PIWIL2: variants seen among roughly 807,000 people sequenced by gnomAD.
PIWIL2 encodes piwi like RNA-mediated gene silencing 2.
In PIWIL2, 81 loss-of-function variants were observed where a neutral mutation model predicts 116.5. The observed-to-expected ratio is 0.70, with a 90% CI of 0.58 to 0.84. The LOEUF is 0.84. Among genes scored for constraint, PIWIL2 ranks in the 40% least tolerant of loss-of-function variants. The pLI, the probability that PIWIL2 is intolerant of heterozygous loss-of-function variation, is 0.00. For missense variants in PIWIL2, 1,272 were observed against 1,212.3 expected (o/e 1.05, Z -0.73); for synonymous variants, 489 against 429.5 (o/e 1.14, Z -1.71).
chr8:22,286,123 G>A (rs1228947781), intron 6 of PIWIL2, among the ~76,000 whole-genome samples: 8 of 152,232 alleles, frequency 5.3e-5, no homozygotes, highest in African/African-American at 1.4e-4. Context: ...TCTTTTGAAT[G>A]AAGGTAATGA....
intron 20 of PIWIL2, among the ~76,000 whole-genome samples, chr8:22,340,107 C>T (rs1047622262): frequency 8.0e-6 from 1 of 124,280 alleles, no homozygotes; most frequent in Admixed American, 1.1e-4. Context: ...GGCTGAAGTG[C>T]AATGGTGCAA....
chr8:22,287,225 C>T (rs551663841), intron 6 of PIWIL2, among the ~76,000 whole-genome samples: 6 of 152,218 alleles, frequency 3.9e-5, no homozygotes, highest in South Asian at 4.1e-4. Context: ...CCAGCCTGGG[C>T]GGCAGAGCGA....
chr8:22,308,998 G>T lies in PIWIL2; in HGVS notation c.1686+925G>T, dbSNP rs1417460819. Among the ~76,000 whole-genome samples, 4 of 151,794 alleles carry T rather than the reference G, an allele frequency of 2.6e-5. No homozygotes were observed. The South Asian group carries it at 8.3e-4, about 32-fold the overall frequency. ...TTTTTTAAGATGGGGTTTCATTCTT[G>T]TTGGCCAGGCTGGAGTGTAATGGCG... On this transcript the variant is annotated intron_variant, in intron 14 of 22. Transcript: ENST00000356766.
At chr8:22,300,781 C>G (rs899409934) in intron 10 of PIWIL2, among the ~76,000 whole-genome samples, 1 of 152,136 alleles carries the variant, frequency 6.6e-6, no homozygotes, top group Non-Finnish European at 1.5e-5. Context: ...GTGTGTACTT[C>G]CCATTCATTT....
intron 16 of PIWIL2, among the ~76,000 whole-genome samples, chr8:22,312,095 C>T (rs1001676903): frequency 1.3e-5 from 2 of 151,818 alleles, no homozygotes; most frequent in African/African-American, 2.4e-5. Flanking sequence ...AAAACCCTGT[C>T]TCTACAAAAA....
At chr8:22,315,991 A>G (rs556023124) in intron 18 of PIWIL2, among the ~76,000 whole-genome samples, 10 of 152,220 alleles carry the variant, frequency 6.6e-5, no homozygotes, top group African/African-American at 9.7e-5. Flanking sequence ...TGTGTTTTCT[A>G]CAGAAATCAT....
chr8:22,347,137 T>C (rs1586598944), intron 20 of PIWIL2, among the ~76,000 whole-genome samples: 1 of 137,074 alleles, frequency 7.3e-6, no homozygotes, highest in Admixed American at 7.8e-5. Flanking sequence ...ACCATTTTAC[T>C]CCAGCCTGGG....
At chr8:22,351,383 T>C (rs1201330883) in intron 20 of PIWIL2, among the ~76,000 whole-genome samples, 3 of 138,084 alleles carry the variant, frequency 2.2e-5, no homozygotes, top group Non-Finnish European at 3.1e-5. Flanking sequence ...TTTTTTAAAG[T>C]ATTCTTGGAA....
intron 2 of PIWIL2, among the ~76,000 whole-genome samples, chr8:22,280,245 A>T (rs1830469869): frequency 6.6e-6 from 1 of 152,124 alleles, no homozygotes; most frequent in Non-Finnish European, 1.5e-5. Flanking sequence ...TGGCTCTATG[A>T]TATTAGCAGC....
At chr8:22,345,557 G>C (rs947598960) in intron 20 of PIWIL2, among the ~76,000 whole-genome samples, 3 of 152,054 alleles carry the variant, frequency 2.0e-5, no homozygotes, top group Non-Finnish European at 2.9e-5. Context: ...CCAGCTACTA[G>C]GGAGGCTGAG....
In PIWIL2 at chr8:22,294,437, C is replaced by T. The variant is rs977645477; in HGVS notation, c.1181+4091C>T. ...CGGGCAGATCATGAAGTCAGGCGAT[C>T]GAGACCATCCTGGCCAACACGGTGA... is the stretch of plus-strand genomic sequence containing the variant. On this transcript the variant is annotated intron_variant, in intron 10 of 22. Transcript: ENST00000356766. 2.0e-5 allele frequency among the ~76,000 whole-genome samples: 3 copies of T among 149,240 alleles called. No individual in the cohort carries two copies. In the Admixed American group the frequency reaches 2.0e-4, roughly 10 times the overall value.
intron 10 of PIWIL2, among the ~76,000 whole-genome samples, chr8:22,292,345 C>T (rs961143486): frequency 2.6e-5 from 4 of 152,152 alleles, no homozygotes; most frequent in Admixed American, 6.5e-5. Context: ...GAAGTGGGAA[C>T]ACCAGTCAAG....
At chr8:22,314,566 C>A in intron 17 of PIWIL2, 137 bp downstream of exon 17, 1 of 457,504 alleles carries the variant, frequency 2.2e-6, no homozygotes, top group South Asian at 5.9e-5. Context: ...GTGAAAGGTT[C>A]TCCTGATTAG....
intron 20 of PIWIL2, among the ~76,000 whole-genome samples, chr8:22,319,026 A>G (rs1586575070): frequency 1.3e-5 from 2 of 152,298 alleles, no homozygotes; most frequent in South Asian, 2.1e-4. Context: ...ACCATGGAGG[A>G]TTGCTATAAT....
intron 6 of PIWIL2, among the ~76,000 whole-genome samples, chr8:22,285,733 C>G (rs1474718723): frequency 1.3e-5 from 2 of 152,052 alleles, no homozygotes; most frequent in Non-Finnish European, 2.9e-5. Context: ...CCTCTGCCTC[C>G]AAGGTTCAAG....
At chr8:22,332,259 A>G (rs1457086711) in intron 20 of PIWIL2, among the ~76,000 whole-genome samples, 2 of 152,130 alleles carry the variant, frequency 1.3e-5, no homozygotes, top group Non-Finnish European at 2.9e-5. Flanking sequence ...TAGTGAGCTG[A>G]GATTGTGCCA....
At position 22,284,279 on chromosome 8, in the gene PIWIL2, A is replaced by T. The variant is rs368658534; in HGVS notation, c.743+7A>T. 1.6e-5 allele frequency: 22 copies of T among 1,417,340 alleles called. No individual in the cohort carries two copies. The highest frequency in any genetic ancestry group is 2.0e-5 in the Non-Finnish European group (20 of 1,017,676). 87.8% of individuals were successfully genotyped at this position (1,417,340 alleles called of 1,614,324 possible). A position where few individuals can be genotyped will look rare whatever the true frequency, so the allele number is the denominator to read the frequency against. ...AATATCATGTGACTTTCAGGTATTC[A>T]CAGCTTTCCTTTGTATTGTTCACTT... is the stretch of plus-strand genomic sequence containing the variant. On this transcript the variant is annotated splice_region_variant and intron_variant, in intron 6 of 22. Coordinates refer to ENST00000356766, the MANE Select transcript of PIWIL2 (RefSeq NM_018068.5).
intron 20 of PIWIL2, among the ~76,000 whole-genome samples, chr8:22,341,617 T>G (rs1832111912): frequency 6.7e-6 from 1 of 149,812 alleles, no homozygotes; most frequent in Non-Finnish European, 1.5e-5. Context: ...AAAAAAAGAT[T>G]CCCAGCACGT....
chr8:22,354,334 CTG>C lies in PIWIL2; in HGVS notation c.2725_2726del (p.Val909SerfsTer9), dbSNP rs746369079. 6.2e-7 allele frequency: 1 copy of C among 1,613,754 alleles called. No homozygotes were observed. Among genetic ancestry groups the C allele is most frequent in the Admixed American group, 1.7e-5 (1 of 60,010 alleles). On this transcript the variant is annotated frameshift_variant, in exon 22 of 23. Coordinates refer to ENST00000356766, the MANE Select transcript of PIWIL2 (RefSeq NM_018068.5). LOFTEE classifies it high-confidence loss of function. ...GCTGTGGCATTCCTACGCATTATGT[CTG>C]TGTTCTCAACACCGCAAACCTGAGC... ...QGCGIPTHYV[C>X]VLNTANLSPD... is the part of the protein sequence containing the mutation.
Sources: allele counts gnomAD v4.1 joint callset (sites outside exome capture counted in the v4.1 genomes callset), GRCh38; gene constraint gnomAD v4.1.1; transcripts MANE v1.5; gene names NCBI Gene and HGNC (gene_info 2026-07-23, HGNC 2026-07-21).